Variants in ARHGAP20 observed in about 807,000 individuals in gnomAD.
ARHGAP20 encodes the protein rho GTPase-activating protein 20.
ARHGAP20 carries 34 observed loss-of-function variants against 73.7 expected under a neutral mutation model. The ratio of observed to expected loss-of-function variants is 0.46; its 90% CI spans 0.35 to 0.61. ARHGAP20 has a LOEUF of 0.61. Ranked by LOEUF, ARHGAP20 falls within the 20% of genes least tolerant of loss-of-function variation. ARHGAP20 has a pLI of 0.00. For missense variants in ARHGAP20, 1,314 were observed against 1,420.9 expected (o/e 0.92, Z 1.21); for synonymous variants, 523 against 518.2 (o/e 1.01, Z -0.13).
intron 1 of ARHGAP20, chr11:110,711,626 GAGCCC>G: frequency 6.7e-7 from 1 of 1,485,340 alleles, no homozygotes; most frequent in East Asian, 2.8e-5. Context: ...TGAGGGGGCC[GAGCCC>G]ACCAGCGCCG....
rs186800758 is a variant in ARHGAP20, at chr11:110,629,030, G to C, written c.353+1598C>G. On this transcript the variant is annotated intron_variant, in intron 3 of 14. Coordinates refer to ENST00000683387, the MANE Select transcript of ARHGAP20 (RefSeq NM_001384657.1). ...TTCTAGTTATCATTGTAACTGCTAA[G>C]GGGAAAAATATCCAAAAAAGGTGAA... Among the ~76,000 whole-genome samples the C allele has an allele frequency of 2.6e-3, 400 of 152,172 alleles. 4 individuals carry two copies. Among genetic ancestry groups the C allele is most frequent in the South Asian group, 0.01 (50 of 4,814 alleles).
At position 110,648,226 on chromosome 11, in the gene ARHGAP20, T is replaced by TATATATATGTAA. The variant is rs1555094954; in HGVS notation, c.189-17435_189-17434insTTACATATATAT. ...ATATATGTAAATATATATATGTATA[T>TATATATATGTAA]ATATATATATGTAAATATATATATG... is the stretch of plus-strand genomic sequence containing the variant. On this transcript the variant is annotated intron_variant, in intron 2 of 14. Coordinates refer to ENST00000683387, the MANE Select transcript of ARHGAP20 (RefSeq NM_001384657.1). 1.3e-3 allele frequency among the ~76,000 whole-genome samples: 104 copies of TATATATATGTAA among 79,332 alleles called. 1 individual carries two copies. The highest frequency in any genetic ancestry group is 5.8e-3 in the African/African-American group (91 of 15,686). The allele number at this position is 79,332 out of a possible 152,430, so 52.0% of individuals were successfully genotyped here.
intron 12 of ARHGAP20, among the ~76,000 whole-genome samples, chr11:110,584,649 C>A (rs200766246): frequency 6.6e-6 from 1 of 151,802 alleles, no homozygotes; most frequent in Non-Finnish European, 1.5e-5. Flanking sequence ...TTCTATGGGG[C>A]CCTAAGATTT....
In ARHGAP20 at chr11:110,579,253, C is replaced by A; in HGVS notation, c.*117G>T. 1 of 1,432,294 alleles carries A rather than the reference C, an allele frequency of 7.0e-7. No individual in the cohort carries two copies. The highest frequency in any genetic ancestry group is 1.7e-5 in the South Asian group (1 of 57,670). 88.7% of individuals were successfully genotyped at this position (1,432,294 alleles called of 1,614,324 possible). ...ATTATTTCGTTGTCCTAAGTATTAG[C>A]AATGATAATCCTTATGCTACCTCTC... On this transcript the variant is annotated 3_prime_UTR_variant, in exon 15 of 15. Coordinates refer to ENST00000683387, the MANE Select transcript of ARHGAP20 (RefSeq NM_001384657.1).
Position 110,578,567 on chromosome 11 carries a change from T to A in ARHGAP20, c.*803A>T. ...GAGGTCACCTTCTAAATAGAAGAAG[T>A]TGCATTTCTGAAGAATGTTCCTAGG... On this transcript the variant is annotated 3_prime_UTR_variant, in exon 15 of 15. Transcript: ENST00000683387. 1 of 985,416 alleles carries A rather than the reference T, an allele frequency of 1.0e-6. No homozygotes were observed. 61.0% of individuals were successfully genotyped at this position (985,416 alleles called of 1,614,324 possible).
Position 110,580,844 on chromosome 11 carries a change from C to A in ARHGAP20, c.2102G>T (p.Arg701Leu). 6.2e-7 allele frequency: 1 copy of A among 1,613,544 alleles called. No individual in the cohort carries two copies. Among genetic ancestry groups the A allele is most frequent in the Non-Finnish European group, 8.5e-7 (1 of 1,179,590 alleles). ...ANAAKSLRRH[R>L]RCSEPSIDYL... ...GTCGATGCTGGGCTCTGAGCAACGC[C>A]GGTGTCGCCTCAGGCTTTTTGCAGC... Residue 701 changes from arginine to leucine, a missense_variant, in exon 15 of 15, where the codon CGG becomes CTG. Physicochemically the swap from Arg to Leu is moderately radical, Grantham distance 102. This residue lies in a region of ARHGAP20 where 641 missense variants were observed against 636.9 expected (regional missense o/e 1.01). Coordinates refer to ENST00000683387, the MANE Select transcript of ARHGAP20 (RefSeq NM_001384657.1).
At chr11:110,678,885 G>T (rs764618589) in intron 2 of ARHGAP20, among the ~76,000 whole-genome samples, 4 of 151,986 alleles carry the variant, frequency 2.6e-5, no homozygotes, top group Non-Finnish European at 5.9e-5. Flanking sequence ...GGCTGGTCTT[G>T]AACTCCTGAG....
At chr11:110,629,775 C>A (rs1046444395) in intron 3 of ARHGAP20, among the ~76,000 whole-genome samples, 4 of 152,214 alleles carry the variant, frequency 2.6e-5, no homozygotes, top group African/African-American at 9.6e-5. Context: ...CTAACAGCAT[C>A]CACTTGAGTG....
Position 110,578,078 on chromosome 11 carries a change from GT to G in ARHGAP20, c.*1291del. On this transcript the variant is annotated 3_prime_UTR_variant, in exon 15 of 15. Transcript: ENST00000683387. ...TTTTTAGTGCCATCCCTGCATACTA[GT>G]TGGCAAGGCCTGATAATCTATTCCT... 1 of 985,412 alleles carries G rather than the reference GT, an allele frequency of 1.0e-6. No homozygotes were observed. The highest frequency in any genetic ancestry group is 1.2e-6 in the Non-Finnish European group (1 of 829,942). 61.0% of individuals were successfully genotyped at this position (985,412 alleles called of 1,614,324 possible).
intron 2 of ARHGAP20, among the ~76,000 whole-genome samples, chr11:110,686,560 TCC>T (rs1227549927): frequency 6.6e-6 from 1 of 152,166 alleles, no homozygotes; most frequent in Non-Finnish European, 1.5e-5. Context: ...TATCTTGTAT[TCC>T]TTTTTTATAA....
At position 110,712,145 on chromosome 11, in the gene ARHGAP20, T is replaced by C. The variant is rs1288722863; in HGVS notation, c.87A>G (p.Gly29=). 2 of 1,357,762 alleles carry C rather than the reference T, an allele frequency of 1.5e-6. No individual in the cohort carries two copies. The highest frequency in any genetic ancestry group is 9.5e-7 in the Non-Finnish European group (1 of 1,049,856). The allele number at this position is 1,357,762 out of a possible 1,614,324, so 84.1% of individuals were successfully genotyped here. The change falls in exon 1 of 15, where the codon GGA becomes GGG. Residue 29 remains glycine, a synonymous_variant. Coordinates refer to ENST00000683387, the MANE Select transcript of ARHGAP20 (RefSeq NM_001384657.1). ...SSLTGVSRLA[G]GSCTKKKMKT... ...TCCTCACCTTCTTGGTGCAGCTGCCTCCCGCGAGCCGAGACACTCCTGTCA... is the reference window on the plus strand; with the variant it reads ...TCCTCACCTTCTTGGTGCAGCTGCCCCCCGCGAGCCGAGACACTCCTGTCA...
chr11:110,587,920 A>G (rs1439154288), intron 11 of ARHGAP20, among the ~76,000 whole-genome samples: 1 of 152,234 alleles, frequency 6.6e-6, no homozygotes, highest in Non-Finnish European at 1.5e-5. Flanking sequence ...TTGAATTTTC[A>G]TAATTCCAAA....
chr11:110,693,703 G>A (rs562618832), intron 1 of ARHGAP20, among the ~76,000 whole-genome samples: 7 of 151,936 alleles, frequency 4.6e-5, no homozygotes, highest in African/African-American at 1.7e-4. Context: ...CTCAGGCAAT[G>A]AAAACTTAGA....
chr11:110,685,551 A>G (rs1591176407), intron 2 of ARHGAP20, among the ~76,000 whole-genome samples: 2 of 152,254 alleles, frequency 1.3e-5, no homozygotes, highest in Admixed American at 1.3e-4. Context: ...AGCATTCACC[A>G]AAGAACACTG....
intron 1 of ARHGAP20, chr11:110,711,540 C>T: frequency 7.6e-7 from 1 of 1,316,686 alleles, no homozygotes; most frequent in Non-Finnish European, 9.9e-7. Context: ...CATCCAGGAC[C>T]CTGGTGTGGG....
At chr11:110,707,217 T>C (rs1367051356) in intron 1 of ARHGAP20, among the ~76,000 whole-genome samples, 1 of 152,132 alleles carries the variant, frequency 6.6e-6, no homozygotes, top group Non-Finnish European at 1.5e-5. Flanking sequence ...TATTTAAAGA[T>C]TTTTCAATTA....
chr11:110,621,626 C>T (rs1948631287), intron 4 of ARHGAP20, among the ~76,000 whole-genome samples: 1 of 151,676 alleles, frequency 6.6e-6, no homozygotes, highest in Non-Finnish European at 1.5e-5. Flanking sequence ...TTTTTTATTT[C>T]TCTGCTGATA....
At chr11:110,675,448 G>A (rs1244621902) in intron 2 of ARHGAP20, among the ~76,000 whole-genome samples, 3 of 152,144 alleles carry the variant, frequency 2.0e-5, no homozygotes, top group Admixed American at 6.5e-5. Flanking sequence ...TTTTGGCACC[G>A]AGGACCAGTT....
intron 2 of ARHGAP20, among the ~76,000 whole-genome samples, chr11:110,661,981 G>A (rs1293976941): frequency 1.3e-5 from 2 of 151,908 alleles, no homozygotes; most frequent in Non-Finnish European, 2.9e-5. Context: ...GGAACTGGCC[G>A]AATAAACCAT....
Sources: allele counts gnomAD v4.1 joint callset (sites outside exome capture counted in the v4.1 genomes callset), GRCh38; gene constraint gnomAD v4.1.1; regional missense constraint gnomAD v4.1.1; transcripts MANE v1.5; gene names NCBI Gene and HGNC (gene_info 2026-07-23, HGNC 2026-07-21).